The following ZMYND8 variants were observed in gnomAD, a reference collection of about 807,000 sequenced individuals.
ZMYND8 encodes the protein MYND-type zinc finger-containing chromatin reader ZMYND8.
Under a neutral mutation model 140.8 loss-of-function variants are expected in ZMYND8, and 37 were observed. The ratio of observed to expected loss-of-function variants is 0.26; its 90% CI spans 0.20 to 0.35. ZMYND8 has a LOEUF of 0.35. Ranked by LOEUF, ZMYND8 falls within the 10% of genes least tolerant of loss-of-function variation. ZMYND8 has a pLI of 1.00. For synonymous variants in ZMYND8, 592 were observed against 597.1 expected, an observed-to-expected ratio of 0.99 and a Z score of 0.12; for missense variants, 1,068 against 1,570.0, an observed-to-expected ratio of 0.68 and a Z score of 5.40.
At chr20:47,245,349 C>T (rs1294688451) in intron 14 of ZMYND8, among the ~76,000 whole-genome samples, 5 of 152,088 alleles carry the variant, frequency 3.3e-5, no homozygotes, top group Non-Finnish European at 5.9e-5. Context: ...TGGGTTCAAG[C>T]GATTATCCTG....
chr20:47,350,076 G>C, intron 1 of ZMYND8: 1 of 1,371,600 alleles, frequency 7.3e-7, no homozygotes, highest in South Asian at 1.7e-5. Context: ...AGAAGAGAGA[G>C]GGAAAAAAAA....
chr20:47,285,676 T>C (rs1404926381), intron 8 of ZMYND8: 1 of 985,046 alleles, frequency 1.0e-6, no homozygotes, highest in Non-Finnish European at 1.2e-6. Flanking sequence ...AATCATCAAA[T>C]GCGCAATGAT....
intron 19 of ZMYND8, among the ~76,000 whole-genome samples, chr20:47,222,942 C>G (rs2037195864): frequency 6.6e-6 from 1 of 152,264 alleles, no homozygotes; most frequent in Non-Finnish European, 1.5e-5. Context: ...TGCACTGCAA[C>G]AGCAGAGTTA....
intron 4 of ZMYND8, among the ~76,000 whole-genome samples, chr20:47,296,070 T>C (rs901882370): frequency 6.7e-6 from 1 of 149,194 alleles, no homozygotes; most frequent in East Asian, 2.0e-4. Context: ...TCTATTTGCT[T>C]AGCTACCACA....
rs77004808 is a variant in ZMYND8 at position 47,323,409 on chromosome 20, T to A, written c.86-13205A>T. On this transcript the variant is annotated intron_variant, in intron 2 of 22. Transcript: ENST00000471951. ...GGTGTGCAATACCATGACCACTTAA[T>A]TTTTTATTTTTCGTAGCGATGGGAT... Among the ~76,000 whole-genome samples, 563 of 151,918 alleles carry A rather than the reference T, an allele frequency of 3.7e-3. 7 individuals carry two copies. The highest frequency in any genetic ancestry group is 0.013 in the African/African-American group (541 of 41,406).
chr20:47,339,135 G>A (rs1374095147), intron 2 of ZMYND8, among the ~76,000 whole-genome samples: 7 of 151,848 alleles, frequency 4.6e-5, no homozygotes. Flanking sequence ...TCCACGCCCG[G>A]CTAATTTTTT....
chr20:47,289,850 T>A (rs141717112), intron 7 of ZMYND8, among the ~76,000 whole-genome samples: 5 of 152,232 alleles, frequency 3.3e-5, no homozygotes, highest in Admixed American at 6.5e-5. Context: ...AACAGGCTGA[T>A]AGGAATGTTC....
intron 2 of ZMYND8, among the ~76,000 whole-genome samples, chr20:47,338,962 C>A (rs1207151624): frequency 1.3e-5 from 2 of 150,974 alleles, no homozygotes; most frequent in Non-Finnish European, 3.0e-5. Context: ...CAACCCTACA[C>A]AATTATTTCT....
intron 21 of ZMYND8, 104 bp from the exon 22 acceptor site, chr20:47,212,829 G>A: frequency 1.0e-6 from 1 of 988,206 alleles, no homozygotes; most frequent in Middle Eastern, 2.2e-4. Context: ...ACTGTTATTA[G>A]AACCAGTTGG....
intron 18 of ZMYND8, among the ~76,000 whole-genome samples, chr20:47,225,996 C>T (rs2037659898): frequency 1.3e-5 from 2 of 151,596 alleles, no homozygotes; most frequent in African/African-American, 4.9e-5. Context: ...ACTAAAAGTA[C>T]AAAACTTAGC....
intron 5 of ZMYND8, among the ~76,000 whole-genome samples, chr20:47,293,877 C>T (rs2077460289): frequency 6.6e-6 from 1 of 152,170 alleles, no homozygotes; most frequent in Non-Finnish European, 1.5e-5. Flanking sequence ...TTTCCCCCAT[C>T]CTGTTCTCGT....
At chr20:47,352,225 A>G (rs1403461950) in intron 1 of ZMYND8, among the ~76,000 whole-genome samples, 3 of 152,212 alleles carry the variant, frequency 2.0e-5, no homozygotes, top group Non-Finnish European at 4.4e-5. Flanking sequence ...CTTTGCATCC[A>G]TACCAAAAAG....
intron 1 of ZMYND8, among the ~76,000 whole-genome samples, chr20:47,351,213 T>C (rs1338899097): frequency 1.3e-5 from 2 of 152,186 alleles, no homozygotes; most frequent in African/African-American, 4.8e-5. Flanking sequence ...GCTTTAAGCC[T>C]TCTGATTGTT....
chr20:47,281,689 A>AT (rs1417056714), intron 10 of ZMYND8, among the ~76,000 whole-genome samples: 1 of 152,228 alleles, frequency 6.6e-6, no homozygotes, highest in Admixed American at 6.5e-5. Context: ...CAGCATGATG[A>AT]TAAGAGATTC....
At chr20:47,355,044 A>T (rs1182050591) in intron 1 of ZMYND8, among the ~76,000 whole-genome samples, 3 of 152,004 alleles carry the variant, frequency 2.0e-5, no homozygotes, top group Non-Finnish European at 4.4e-5. Flanking sequence ...CAACACACAC[A>T]TACCACCACC....
intron 2 of ZMYND8, among the ~76,000 whole-genome samples, chr20:47,326,837 C>G (rs2080461066): frequency 6.6e-6 from 1 of 152,170 alleles, no homozygotes; most frequent in African/African-American, 2.4e-5. Context: ...CTCAGAGTGT[C>G]AGCATCACAC....
chr20:47,336,955 C>T (rs1440144071), intron 2 of ZMYND8, among the ~76,000 whole-genome samples: 1 of 150,946 alleles, frequency 6.6e-6, no homozygotes, highest in African/African-American at 2.4e-5. Flanking sequence ...GCCCTTCAGG[C>T]ATTTGACTTG....
intron 20 of ZMYND8, among the ~76,000 whole-genome samples, chr20:47,220,965 A>T (rs1003304972): frequency 1.3e-5 from 2 of 152,184 alleles, no homozygotes; most frequent in African/African-American, 4.8e-5. Flanking sequence ...CTGTAAAATC[A>T]GGTCCTCGGT....
At position 47,254,645 on chromosome 20, in the gene ZMYND8, G is replaced by A. The variant is rs531225790; in HGVS notation, c.1622-5206C>T. Among the ~76,000 whole-genome samples the A allele has an allele frequency of 5.3e-5, 8 of 151,670 alleles. No homozygotes were observed. In the East Asian group the frequency reaches 7.7e-4, roughly 15 times the overall value. On this transcript the variant is annotated intron_variant, in intron 12 of 22. Transcript: ENST00000471951. ...GGAGCCAAGAAGGAAATGGAAAATC[G>A]CTGGGAAGGCTATATATTCTCAGGG... is the stretch of plus-strand genomic sequence containing the variant.
Sources: allele counts gnomAD v4.1 joint callset (sites outside exome capture counted in the v4.1 genomes callset), GRCh38; gene constraint gnomAD v4.1.1; transcripts MANE v1.5; gene names NCBI Gene and HGNC (gene_info 2026-07-23, HGNC 2026-07-21).